The following ARHGEF33 variants were observed in gnomAD, a reference collection of about 807,000 sequenced individuals.
ARHGEF33 encodes the protein DH and coiled-coil domain-containing protein ENSP00000381780.
ARHGEF33 carries 72 observed loss-of-function variants against 101.9 expected under a neutral mutation model. The ratio of observed to expected loss-of-function variants is 0.71; its 90% confidence interval spans 0.58 to 0.86. ARHGEF33 has a LOEUF of 0.86. Among genes scored for constraint, ARHGEF33 ranks in the 40% least tolerant of loss-of-function variants. The pLI is 0.00. For missense variants in ARHGEF33, 1,169 were observed against 1,111.3 expected, an observed-to-expected ratio of 1.05 and a Z score of -0.74; for synonymous variants, 499 against 442.5, an observed-to-expected ratio of 1.13 and a Z score of -1.60.
At chr2:38,938,443 G>T (rs1268499600) in intron 9 of ARHGEF33, among the ~76,000 whole-genome samples, 1 of 152,206 alleles carries the variant, frequency 6.6e-6, no homozygotes, top group Non-Finnish European at 1.5e-5. Context: ...GGAGTCCAAG[G>T]TAGGAGGATC....
chr2:38,973,854 A>G lies in ARHGEF33; in HGVS notation c.*11A>G. 1 of 1,540,188 alleles carries G rather than the reference A, an allele frequency of 6.5e-7. No individual in the cohort carries two copies. Among genetic ancestry groups the G allele is most frequent in the Non-Finnish European group, 8.8e-7 (1 of 1,142,020 alleles). ...GGAACAGCTGTGTAAAACATACTTA[A>G]AGTTGTATTGTCAAGTGGTAAGATG... On this transcript the variant is annotated 3_prime_UTR_variant, in exon 18 of 18. Transcript: ENST00000409978.
intron 1 of ARHGEF33, among the ~76,000 whole-genome samples, 155 bp downstream of exon 1, chr2:38,890,141 T>A (rs1665964435): frequency 1.3e-5 from 2 of 152,212 alleles, no homozygotes; most frequent in South Asian, 4.1e-4. Flanking sequence ...AAATAACTTT[T>A]ATTTAAGAGT....
chr2:38,916,943 G>C (rs1666646778), intron 2 of ARHGEF33, among the ~76,000 whole-genome samples: 1 of 151,868 alleles, frequency 6.6e-6, no homozygotes, highest in Non-Finnish European at 1.5e-5. Context: ...TGGGATTACA[G>C]GCATGCGCCA....
chr2:38,890,339 C>A (rs1211688844), intron 1 of ARHGEF33, among the ~76,000 whole-genome samples: 1 of 152,140 alleles, frequency 6.6e-6, no homozygotes, highest in East Asian at 1.9e-4. Flanking sequence ...CTGACATGGA[C>A]ATGCCTCTTT....
Position 38,954,374 on chromosome 2 carries a change from G to T in ARHGEF33, c.1139G>T (p.Gly380Val). The T allele has an allele frequency of 6.5e-7, 1 of 1,537,822 alleles. No individual in the cohort carries two copies. The highest frequency in any genetic ancestry group is 8.8e-7 in the Non-Finnish European group (1 of 1,135,524). Residue 380 changes from glycine (G) to valine (V), a missense_variant and splice_region_variant, in exon 13 of 18, where the codon GGT becomes GTT. By Grantham distance (109) the Gly-to-Val change is moderately radical. Transcript: ENST00000409978. ...TAACTTGACCTTTCTTTCATTCAGGGTGATGAAGAGATTAAATCTGACATC... is the reference window on the plus strand; with the variant it reads ...TAACTTGACCTTTCTTTCATTCAGGTTGATGAAGAGATTAAATCTGACATC... ...SLVHVVVLKEGDEEIKSDIYT... is the reference protein window; with the variant it reads ...SLVHVVVLKEVDEEIKSDIYT...
At chr2:38,928,727 T>A (rs1019747748) in intron 4 of ARHGEF33, 180 bp from the exon 5 acceptor site, 3 of 485,492 alleles carry the variant, frequency 6.2e-6, no homozygotes, top group Non-Finnish European at 1.1e-5. Context: ...GAAGACACTC[T>A]TTTTCTTAGA....
At chr2:38,898,154 C>T (rs983565020) in intron 2 of ARHGEF33, among the ~76,000 whole-genome samples, 45 of 152,026 alleles carry the variant, frequency 3.0e-4, no homozygotes, top group Admixed American at 1.2e-3. Context: ...AAAAAGTAGA[C>T]GAGACCACTT....
Position 38,973,938 on chromosome 2 carries a change from A to C in ARHGEF33, c.*95A>C, listed in dbSNP as rs552450061. The C allele has an allele frequency of 3.3e-4, 247 of 739,880 alleles. 1 individual carries two copies. The highest frequency in any genetic ancestry group is 1.3e-3 in the Middle Eastern group (3 of 2,276). The allele number at this position is 739,880 out of a possible 1,614,324, so 45.8% of individuals were successfully genotyped here. A position where few individuals can be genotyped will look rare whatever the true frequency, so the allele number is the denominator to read the frequency against. ...TATATATATATATCTATATCTATAT[A>C]TATATATATATCGATGTATAAATCC... is the stretch of plus-strand genomic sequence containing the variant. On this transcript the variant is annotated 3_prime_UTR_variant, in exon 18 of 18. Transcript: ENST00000409978.
At chr2:38,895,651 T>TG (rs2124976559) in intron 1 of ARHGEF33, 126 bp from the exon 2 acceptor site, 1 of 152,240 alleles carries the variant, frequency 6.6e-6, no homozygotes, top group Non-Finnish European at 1.5e-5. Context: ...CTATTAGAAA[T>TG]CTTTAACAAC....
intron 2 of ARHGEF33, among the ~76,000 whole-genome samples, chr2:38,898,782 T>G (rs960199623): frequency 8.5e-5 from 13 of 152,240 alleles, no homozygotes; most frequent in African/African-American, 3.1e-4. Context: ...CATTTAAATT[T>G]TTTACTTATC....
intron 4 of ARHGEF33, among the ~76,000 whole-genome samples, chr2:38,921,966 A>G (rs1231953559): frequency 6.6e-6 from 1 of 152,120 alleles, no homozygotes; most frequent in Non-Finnish European, 1.5e-5. Context: ...TACAGGAAAA[A>G]CTTTCAAGCT....
intron 2 of ARHGEF33, among the ~76,000 whole-genome samples, chr2:38,908,106 T>G (rs953143477): frequency 3.9e-5 from 6 of 152,072 alleles, no homozygotes; most frequent in African/African-American, 1.4e-4. Context: ...CTCAAATGAC[T>G]CTTTTGCCTC....
chr2:38,925,826 A>G (rs1666857305), intron 4 of ARHGEF33, among the ~76,000 whole-genome samples: 1 of 152,190 alleles, frequency 6.6e-6, no homozygotes, highest in Non-Finnish European at 1.5e-5. Context: ...CCCAAGGTAC[A>G]GGTCCAGTCC....
intron 2 of ARHGEF33, among the ~76,000 whole-genome samples, chr2:38,906,666 G>A (rs961594166): frequency 2.0e-5 from 3 of 151,862 alleles, no homozygotes; most frequent in East Asian, 1.9e-4. Context: ...GATAATAATC[G>A]GTTATAAGAT....
chr2:38,920,861 A>G (rs752729284), intron 3 of ARHGEF33, among the ~76,000 whole-genome samples: 4 of 152,188 alleles, frequency 2.6e-5, no homozygotes, highest in Non-Finnish European at 5.9e-5. Context: ...CCAGGAGGAC[A>G]GCAAGATTCC....
Position 38,929,802 on chromosome 2 carries a change from C to T in ARHGEF33, c.334C>T (p.Arg112Ter), listed in dbSNP as rs1666953438. The T allele has an allele frequency of 1.3e-6, 2 of 1,551,290 alleles. No homozygotes were observed. The highest frequency in any genetic ancestry group is 1.7e-6 in the Non-Finnish European group (2 of 1,146,654). The part of the protein sequence containing the change: ...QKIEQLQQEK[R>*]RESRKVKAKK... ...AATCGAGCAGCTTCAACAGGAGAAG[C>T]GAAGAGAATCTCGAAAAGTTAAAGC... is the stretch of plus-strand genomic sequence containing the variant. Residue 112 changes from arginine to a stop codon, truncating the protein, a stop_gained, in exon 6 of 18, where the codon CGA becomes TGA. Coordinates refer to ENST00000409978, the MANE Select transcript of ARHGEF33 (RefSeq NM_001145451.5). LOFTEE classifies it high-confidence loss of function.
At chr2:38,968,060 C>A (rs1053744496) in intron 17 of ARHGEF33, among the ~76,000 whole-genome samples, 2 of 148,734 alleles carry the variant, frequency 1.3e-5, no homozygotes, top group African/African-American at 4.9e-5. Flanking sequence ...GCAATAGATT[C>A]ACCACTGGTC....
chr2:38,959,926 C>A lies in ARHGEF33; in HGVS notation c.1621C>A (p.Leu541Met). The A allele has an allele frequency of 1.3e-6, 2 of 1,551,788 alleles. No homozygotes were observed. The highest frequency in any genetic ancestry group is 1.7e-6 in the Non-Finnish European group (2 of 1,146,934). ...MQPGKPSDWE[L>M]EGRKHERPES... is the part of the protein sequence containing the mutation. ...GCCCGGGAAGCCCAGTGACTGGGAG[C>A]TGGAGGGCAGGAAGCACGAGCGGCC... Residue 541 changes from leucine to methionine, a missense_variant, in exon 16 of 18, where the codon CTG becomes ATG. Transcript: ENST00000409978.
At chr2:38,905,685 G>A (rs1363556613) in intron 2 of ARHGEF33, among the ~76,000 whole-genome samples, 3 of 152,212 alleles carry the variant, frequency 2.0e-5, no homozygotes, top group African/African-American at 7.2e-5. Context: ...CAGGAAGCCT[G>A]ATGAAAATTT....
Sources: allele counts gnomAD v4.1 joint callset (sites outside exome capture counted in the v4.1 genomes callset), GRCh38; gene constraint gnomAD v4.1.1; transcripts MANE v1.5; gene names NCBI Gene and HGNC (gene_info 2026-07-23, HGNC 2026-07-21).